Variants in GALNT13 observed in about 807,000 individuals in gnomAD.
The protein encoded by GALNT13 is polypeptide N-acetylgalactosaminyltransferase 13.
A neutral mutation model predicts 64.2 loss-of-function variants in GALNT13; 28 were observed. The observed-to-expected ratio is 0.44, with a 90% confidence interval of 0.32 to 0.60. The LOEUF (loss-of-function observed/expected upper bound fraction) is 0.60. GALNT13 is among the 20% of genes least tolerant of loss of function. The probability of loss-of-function intolerance (pLI) is 0.05; values close to 1 mark genes in which losing one functional copy is unlikely to be tolerated. For synonymous variants in GALNT13, 214 were observed against 224.6 expected (o/e 0.95, Z 0.42); for missense variants, 577 against 669.8 (o/e 0.86, Z 1.53).
chr2:153,718,166 T>C, the GALNT13 span, among the ~76,000 whole-genome samples: 2 of 152,092 alleles, frequency 1.3e-5, no homozygotes, highest in African/African-American at 4.8e-5. Flanking sequence ...AGTTTCATCA[T>C]TGTTACTATT....
chr2:153,206,088 C>G, the GALNT13 span, among the ~76,000 whole-genome samples: 1 of 151,924 alleles, frequency 6.6e-6, no homozygotes, highest in African/African-American at 2.4e-5. Flanking sequence ...GTATGATTCT[C>G]TTTTATACAT....
At chr2:154,228,311 T>C (rs1688737036) in intron 4 of GALNT13, among the ~76,000 whole-genome samples, 1 of 152,170 alleles carries the variant, frequency 6.6e-6, no homozygotes, top group African/African-American at 2.4e-5. Context: ...TACATCTTAA[T>C]TGACCCTATC....
intron 3 of GALNT13, among the ~76,000 whole-genome samples, chr2:153,950,713 A>G (rs67458308): frequency 0.18 from 27,661 of 152,060 alleles, 4,651 homozygotes; most frequent in East Asian, 0.75. Context: ...GAGATCTTAT[A>G]TAGTAGTTTA....
chr2:153,833,587 G>T, the GALNT13 span, among the ~76,000 whole-genome samples: 1 of 152,072 alleles, frequency 6.6e-6, no homozygotes, highest in African/African-American at 2.4e-5. Context: ...AAATTTAACT[G>T]AAACATTATC....
At chr2:154,141,745 C>T (rs1229961204) in intron 4 of GALNT13, among the ~76,000 whole-genome samples, 2 of 152,140 alleles carry the variant, frequency 1.3e-5, no homozygotes, top group Non-Finnish European at 2.9e-5. Context: ...GACTCTTTCA[C>T]CCTATAAAAG....
At chr2:154,158,913 C>T (rs1452426308) in intron 4 of GALNT13, among the ~76,000 whole-genome samples, 2 of 151,936 alleles carry the variant, frequency 1.3e-5, no homozygotes, top group East Asian at 1.9e-4. Context: ...TCTTCTTTGG[C>T]CACATTATAT....
chr2:154,315,401 G>A (rs532703956), intron 9 of GALNT13, among the ~76,000 whole-genome samples: 3 of 152,304 alleles, frequency 2.0e-5, no homozygotes, highest in East Asian at 3.9e-4. Flanking sequence ...CAGGGAGGCA[G>A]GGCTAGGGCT....
the GALNT13 span, among the ~76,000 whole-genome samples, chr2:153,379,494 G>A: frequency 6.6e-6 from 1 of 152,108 alleles, no homozygotes; most frequent in African/African-American, 2.4e-5. Context: ...AACTGATTAG[G>A]CAGCAATCAG....
At chr2:154,176,033 C>A (rs940841592) in intron 4 of GALNT13, among the ~76,000 whole-genome samples, 2 of 151,864 alleles carry the variant, frequency 1.3e-5, no homozygotes, top group East Asian at 3.9e-4. Context: ...GGTTAAGAAA[C>A]CCTGTGTTAA....
the GALNT13 span, among the ~76,000 whole-genome samples, chr2:153,722,631 G>A: frequency 4.1e-3 from 622 of 152,076 alleles, 7 homozygotes; most frequent in African/African-American, 0.015. Flanking sequence ...TATCACCACC[G>A]ATCCCACAGA....
chr2:153,923,244 G>A (rs932487109), intron 2 of GALNT13, among the ~76,000 whole-genome samples: 1 of 152,142 alleles, frequency 6.6e-6, no homozygotes, highest in Non-Finnish European at 1.5e-5. Context: ...AGAATAAAAT[G>A]TATGTATTAG....
At chr2:154,395,780 T>C (rs1699026518) in intron 9 of GALNT13, among the ~76,000 whole-genome samples, 1 of 152,196 alleles carries the variant, frequency 6.6e-6, no homozygotes, top group Admixed American at 6.5e-5. Context: ...ATATTTGTAT[T>C]TGAAAAGTCA....
the GALNT13 span, among the ~76,000 whole-genome samples, chr2:153,815,050 C>T: frequency 6.6e-6 from 1 of 152,184 alleles, no homozygotes; most frequent in Admixed American, 6.5e-5. Flanking sequence ...ATGCTAAATA[C>T]AGCTAAAATA....
chr2:154,173,127 G>T (rs1346294548), intron 4 of GALNT13, among the ~76,000 whole-genome samples: 3 of 151,888 alleles, frequency 2.0e-5, no homozygotes, highest in Admixed American at 6.6e-5. Context: ...CATTAAAACA[G>T]ACATATGGAC....
chr2:154,437,803 C>T, intron 11 of GALNT13: 1 of 340,334 alleles, frequency 2.9e-6, no homozygotes, highest in Non-Finnish European at 5.9e-6. Flanking sequence ...TGCAGTAAGC[C>T]CAGATTACGC....
chr2:153,167,780 TG>T, the GALNT13 span, among the ~76,000 whole-genome samples: 1 of 152,334 alleles, frequency 6.6e-6, no homozygotes, highest in South Asian at 2.1e-4. Context: ...GCTGCTTCTA[TG>T]GGCTAATTTT....
intron 3 of GALNT13, among the ~76,000 whole-genome samples, chr2:154,126,825 A>T (rs751293940): frequency 8.6e-5 from 13 of 151,980 alleles, no homozygotes; most frequent in Admixed American, 7.2e-4. Flanking sequence ...ACTTTTTTTT[A>T]TTCACTTGGG....
At chr2:153,095,068 C>T in the GALNT13 span, among the ~76,000 whole-genome samples, 1 of 152,030 alleles carries the variant, frequency 6.6e-6, no homozygotes, top group Admixed American at 6.6e-5. Context: ...AGCTTCTGCA[C>T]AGCAAAAGAA....
chr2:154,005,546 T>A (rs1451926638), intron 3 of GALNT13, among the ~76,000 whole-genome samples: 1 of 152,186 alleles, frequency 6.6e-6, no homozygotes, highest in Non-Finnish European at 1.5e-5. Context: ...GAAACAACAC[T>A]GGAATCTACA....
Sources: gnomAD v4.1 joint callset for allele counts (sites outside exome capture counted in the v4.1 genomes callset) on GRCh38, gnomAD v4.1.1 for gene constraint, MANE v1.5 for transcripts, NCBI Gene and HGNC (gene_info 2026-07-23, HGNC 2026-07-21) for gene names.